ASCC2: variants seen among roughly 807,000 people sequenced by gnomAD.
The protein encoded by ASCC2 is activating signal cointegrator 1 complex subunit 2.
In ASCC2, 42 loss-of-function variants were observed where a neutral mutation model predicts 93.5. The ratio of observed to expected loss-of-function variants is 0.45; its 90% confidence interval spans 0.35 to 0.58. The LOEUF is 0.58. ASCC2 is among the 20% of genes least tolerant of loss of function. ASCC2 has a pLI of 0.00. For synonymous variants in ASCC2, 364 were observed against 384.2 expected (o/e 0.95, Z 0.62); for missense variants, 859 against 977.6 (o/e 0.88, Z 1.62).
intron 13 of ASCC2, among the ~76,000 whole-genome samples, chr22:29,804,404 G>C (rs910729040): frequency 6.6e-5 from 10 of 152,296 alleles, no homozygotes; most frequent in Non-Finnish European, 1.0e-4. Context: ...GGAAGCTAAG[G>C]CTTCGATAGT....
chr22:29,806,601 C>G, intron 10 of ASCC2, 48 bp from the exon 11 acceptor site: 5 of 1,566,370 alleles, frequency 3.2e-6, no homozygotes, highest in Non-Finnish European at 4.4e-6. Context: ...GCAAGATGAG[C>G]TGCAGCTCCT....
intron 1 of ASCC2, among the ~76,000 whole-genome samples, chr22:29,837,672 T>C (rs915014920): frequency 2.0e-5 from 3 of 152,264 alleles, no homozygotes; most frequent in South Asian, 4.1e-4. Flanking sequence ...GTCTCTCAAT[T>C]AAATACTACT....
chr22:29,825,046 C>T lies in ASCC2; in HGVS notation c.411+41G>A, dbSNP rs754982709. On this transcript the variant is annotated intron_variant, in intron 4 of 19. Coordinates refer to ENST00000307790, the MANE Select transcript of ASCC2 (RefSeq NM_032204.5). The surrounding 1 kb of genome is among the most constrained non-coding windows in gnomAD (Gnocchi z 4.9). ...GGTGGAGAGCCCGGCACAGAGGTGT[C>T]GAGTATCGGGTGATGACCTGTCATG... The T allele has an allele frequency of 1.8e-5, 25 of 1,365,954 alleles. No individual in the cohort carries two copies. Among genetic ancestry groups the T allele is most frequent in the African/African-American group, 3.0e-5 (2 of 66,786 alleles). The allele number at this position is 1,365,954 out of a possible 1,614,324, so 84.6% of individuals were successfully genotyped here.
At chr22:29,810,398 C>T (rs988079196) in intron 8 of ASCC2, 2 of 152,228 alleles carry the variant, frequency 1.3e-5, no homozygotes, top group African/African-American at 4.8e-5. Flanking sequence ...AAACACATGC[C>T]TGTCAGTTGG....
chr22:29,795,925 T>TA lies in ASCC2; in HGVS notation c.1689-2250dup, dbSNP rs879317328. 1.6e-3 allele frequency among the ~76,000 whole-genome samples: 236 copies of TA among 143,194 alleles called. 1 individual carries two copies. Among genetic ancestry groups the TA allele is most frequent in the Non-Finnish European group, 1.9e-3 (122 of 65,124 alleles). 93.9% of individuals were successfully genotyped at this position (143,194 alleles called of 152,430 possible). On this transcript the variant is annotated intron_variant, in intron 15 of 19. Coordinates refer to ENST00000307790, the MANE Select transcript of ASCC2 (RefSeq NM_032204.5). The stretch of plus-strand genomic sequence containing the variant: ...CTGGAATGTATCAAGGGTAAGATAA[T>TA]AAAAAAAAAAAGAAAAGACACAAAG...
In ASCC2 at chr22:29,825,905, T is replaced by C; in HGVS notation, c.82-125A>G. ...TGACCCTCCAAGGAGCTTTTAAGCATAAAGAACCAAGTGTATCTAACAAAG... is the reference window on the plus strand; with the variant it reads ...TGACCCTCCAAGGAGCTTTTAAGCACAAAGAACCAAGTGTATCTAACAAAG... On this transcript the variant is annotated intron_variant, in intron 2 of 19. Transcript: ENST00000307790. The surrounding 1 kb of genome is among the most constrained non-coding windows in gnomAD (Gnocchi z 4.9). The C allele has an allele frequency of 8.9e-7, 1 of 1,127,438 alleles. No homozygotes were observed. Among genetic ancestry groups the C allele is most frequent in the Admixed American group, 2.4e-5 (1 of 41,584 alleles). 69.8% of individuals were successfully genotyped at this position (1,127,438 alleles called of 1,614,324 possible). A position where few individuals can be genotyped will look rare whatever the true frequency, so the allele number is the denominator to read the frequency against.
chr22:29,835,878 C>T (rs1475085731), intron 1 of ASCC2, among the ~76,000 whole-genome samples: 8 of 151,972 alleles, frequency 5.3e-5, no homozygotes, highest in Admixed American at 1.3e-4. Context: ...TCCAAAACTA[C>T]AGTATAGTAG....
intron 5 of ASCC2, among the ~76,000 whole-genome samples, chr22:29,818,747 C>G (rs1337638250): frequency 6.6e-6 from 1 of 152,092 alleles, no homozygotes; most frequent in Non-Finnish European, 1.5e-5. Context: ...ACGCAGTCCC[C>G]TCTGGATACC....
At chr22:29,823,503 T>C (rs564288538) in intron 4 of ASCC2, among the ~76,000 whole-genome samples, 1 of 152,296 alleles carries the variant, frequency 6.6e-6, no homozygotes, top group Middle Eastern at 3.4e-3. Flanking sequence ...TGGCGGAATG[T>C]TGATAATTGT....
At position 29,814,872 on chromosome 22, in the gene ASCC2, G is replaced by A. The variant is rs2060658687; in HGVS notation, c.610-105C>T. 4.9e-6 allele frequency: 4 copies of A among 822,436 alleles called. No individual in the cohort carries two copies. The South Asian group carries it at 5.0e-5, about 10-fold the overall frequency. The allele number at this position is 822,436 out of a possible 1,614,324, so 50.9% of individuals were successfully genotyped here. Reference sequence around the variant, plus strand: ...TCTGAAAACTGCCTTGGAGTTTCTAGAATATTTACCCATGTTTCCAGGATA... The same window carrying A: ...TCTGAAAACTGCCTTGGAGTTTCTAAAATATTTACCCATGTTTCCAGGATA... On this transcript the variant is annotated intron_variant, in intron 6 of 19. Transcript: ENST00000307790.
intron 2 of ASCC2, among the ~76,000 whole-genome samples, chr22:29,830,971 T>C (rs538899282): frequency 6.6e-6 from 1 of 152,298 alleles, no homozygotes; most frequent in East Asian, 1.9e-4. Flanking sequence ...AAGGAGCCAG[T>C]CTCCATCAGT....
At chr22:29,836,835 G>T (rs967411423) in intron 1 of ASCC2, among the ~76,000 whole-genome samples, 5 of 152,202 alleles carry the variant, frequency 3.3e-5, no homozygotes, top group Non-Finnish European at 1.5e-5. Context: ...TTACAGGCAT[G>T]AGTCACTGCC....
chr22:29,834,405 G>A, intron 1 of ASCC2: 1 of 437,528 alleles, frequency 2.3e-6, no homozygotes, highest in Non-Finnish European at 4.7e-6. Context: ...AAGGAACCTT[G>A]GTTCTGGCCT....
chr22:29,814,057 G>A lies in ASCC2; in HGVS notation c.721-515C>T, dbSNP rs550423496. On this transcript the variant is annotated intron_variant, in intron 7 of 19. Coordinates refer to ENST00000307790, the MANE Select transcript of ASCC2 (RefSeq NM_032204.5). ...TTACAGAAAAGGAAACCGAGGTTCCGAGAGGTAAAATGATTTGCTCCCACA... is the reference window on the plus strand; with the variant it reads ...TTACAGAAAAGGAAACCGAGGTTCCAAGAGGTAAAATGATTTGCTCCCACA... Among the ~76,000 whole-genome samples the A allele has an allele frequency of 6.6e-5, 10 of 152,260 alleles. No individual in the cohort carries two copies. The East Asian group carries it at 1.2e-3, about 18-fold the overall frequency.
chr22:29,834,576 A>C (rs1269410941), intron 1 of ASCC2: 1 of 470,844 alleles, frequency 2.1e-6, no homozygotes, highest in Non-Finnish European at 4.4e-6. Context: ...AAGGCAAAGA[A>C]AGTAATAAAG....
At chr22:29,816,812 A>AGAGGGAGG (rs561874338) in intron 5 of ASCC2, 12 of 128,152 alleles carry the variant, frequency 9.4e-5, no homozygotes, top group African/African-American at 2.6e-4. Flanking sequence ...AGAGAGGGAG[A>AGAGGGAGG]GAGGGAGGGA....
Position 29,832,881 on chromosome 22 carries a change from C to T in ASCC2, c.-17-539G>A, listed in dbSNP as rs1312443418. Among the ~76,000 whole-genome samples, 7 of 152,256 alleles carry T rather than the reference C, an allele frequency of 4.6e-5. No homozygotes were observed. In the South Asian group the frequency reaches 6.2e-4, roughly 14 times the overall value. On this transcript the variant is annotated intron_variant, in intron 1 of 19. Transcript: ENST00000307790. ...TCAGCCTCCTGAGTAGCTGGGACTACAGGCATGCACCACTACGGCCAGCTA... is the reference window on the plus strand; with the variant it reads ...TCAGCCTCCTGAGTAGCTGGGACTATAGGCATGCACCACTACGGCCAGCTA...
chr22:29,792,432 C>T lies in ASCC2; in HGVS notation c.2022+1G>A, dbSNP rs147263253. On this transcript the variant is annotated splice_donor_variant, in intron 18 of 19. Transcript: ENST00000307790. LOFTEE classifies it high-confidence loss of function. ...TCATCTGCTACCTGCCAGGGAGGTA[C>T]CTTGGGAGCCTCCTCGTCAGCATCG... is the stretch of plus-strand genomic sequence containing the variant. The T allele has an allele frequency of 6.2e-7, 1 of 1,613,732 alleles. No individual in the cohort carries two copies. Among genetic ancestry groups the T allele is most frequent in the Non-Finnish European group, 8.5e-7 (1 of 1,179,830 alleles).
intron 2 of ASCC2, chr22:29,827,424 C>A (rs1429255150): frequency 3.0e-6 from 1 of 336,944 alleles, no homozygotes; most frequent in African/African-American, 2.2e-5. Flanking sequence ...AAAATTGAGA[C>A]TGATAAGAGG....
Sources: gnomAD v4.1 joint callset for allele counts (sites outside exome capture counted in the v4.1 genomes callset) on GRCh38, gnomAD v4.1.1 for gene constraint, Gnocchi (gnomAD v3.1) non-coding constraint, MANE v1.5 for transcripts, NCBI Gene and HGNC (gene_info 2026-07-23, HGNC 2026-07-21) for gene names.